CCDC102B: variants seen among roughly 807,000 people sequenced by gnomAD.
CCDC102B encodes the protein coiled-coil domain containing 102B.
Under a neutral mutation model 57.4 loss-of-function variants are expected in CCDC102B, and 75 were observed. The ratio of observed to expected loss-of-function variants is 1.31; its 90% CI spans 1.08 to 1.58. The LOEUF is 1.58. CCDC102B is among the 40% of genes most tolerant of loss of function. The probability of loss-of-function intolerance (pLI) is 0.00; values close to 1 mark genes in which losing one functional copy is unlikely to be tolerated. For synonymous variants in CCDC102B, 206 were observed against 201.9 expected (o/e 1.02, Z -0.17); for missense variants, 636 against 582.6 (o/e 1.09, Z -0.94).
At chr18:68,758,760 T>A (rs1468682775) in intron 2 of CCDC102B, among the ~76,000 whole-genome samples, 1 of 151,416 alleles carries the variant, frequency 6.6e-6, no homozygotes, top group Non-Finnish European at 1.5e-5. Context: ...GAAGATTAAA[T>A]GCTTGTTTCA....
chr18:69,028,647 A>G (rs2052057525), intron 7 of CCDC102B, among the ~76,000 whole-genome samples: 1 of 152,032 alleles, frequency 6.6e-6, no homozygotes, highest in African/African-American at 2.4e-5. Flanking sequence ...ACACACACAC[A>G]CACACAAAAT....
chr18:68,896,125 A>G (rs1200394190), intron 5 of CCDC102B, among the ~76,000 whole-genome samples: 1 of 152,032 alleles, frequency 6.6e-6, no homozygotes. Context: ...TCACATTAGA[A>G]TGCATAGCTC....
intron 7 of CCDC102B, among the ~76,000 whole-genome samples, chr18:69,039,162 G>A (rs1669545923): frequency 6.6e-6 from 1 of 151,836 alleles, no homozygotes; most frequent in African/African-American, 2.4e-5. Flanking sequence ...AAGATACAAA[G>A]CTATCTAGAG....
rs151087578 is a variant in CCDC102B at position 68,901,918 on chromosome 18, G to A, written c.1263+4490G>A. ...AGTTGATGGAAAACTTCCTACTGTC[G>A]ATGTAAGATATAAACCTCCTTCATT... On this transcript the variant is annotated intron_variant, in intron 6 of 7. Coordinates refer to ENST00000360242, the MANE Select transcript of CCDC102B (RefSeq NM_024781.3). Among the ~76,000 whole-genome samples the A allele has an allele frequency of 2.1e-3, 324 of 152,134 alleles. 1 individual carries two copies. The highest frequency in any genetic ancestry group is 7.6e-3 in the African/African-American group (314 of 41,522).
At chr18:68,952,994 A>C (rs1358469015) in intron 6 of CCDC102B, among the ~76,000 whole-genome samples, 1 of 152,172 alleles carries the variant, frequency 6.6e-6, no homozygotes, top group African/African-American at 2.4e-5. Context: ...ACCATCAAAA[A>C]CATGAAAAAG....
chr18:68,771,207 A>G (rs2034627343), intron 2 of CCDC102B, among the ~76,000 whole-genome samples: 2 of 152,192 alleles, frequency 1.3e-5, no homozygotes, highest in Non-Finnish European at 2.9e-5. Flanking sequence ...AGGCAGCTCC[A>G]TAGTTTTGAT....
intron 6 of CCDC102B, among the ~76,000 whole-genome samples, chr18:68,933,588 G>A (rs2041750415): frequency 6.6e-6 from 1 of 151,762 alleles, no homozygotes; most frequent in Non-Finnish European, 1.5e-5. Flanking sequence ...ATTGTTCATT[G>A]TGGAGCTATA....
At chr18:68,793,398 A>C (rs1489381453), upstream of CCDC102B, among the ~76,000 whole-genome samples, 2 of 152,218 alleles carry the variant, frequency 1.3e-5, no homozygotes, top group Non-Finnish European at 2.9e-5. Flanking sequence ...GATGACAGGC[A>C]TATATGTATC....
intron 2 of CCDC102B, among the ~76,000 whole-genome samples, chr18:68,739,550 T>A (rs1427654092): frequency 6.6e-6 from 1 of 152,168 alleles, no homozygotes; most frequent in Non-Finnish European, 1.5e-5. Flanking sequence ...ATGTGATTAG[T>A]CCATTGTACT....
intron 6 of CCDC102B, among the ~76,000 whole-genome samples, chr18:69,009,474 T>C (rs1290080392): frequency 6.6e-6 from 1 of 152,158 alleles, no homozygotes; most frequent in African/African-American, 2.4e-5. Context: ...AAATTCGAAT[T>C]GATGTGCCTC....
chr18:68,972,642 T>C (rs1224949180), intron 6 of CCDC102B, among the ~76,000 whole-genome samples: 2 of 152,180 alleles, frequency 1.3e-5, no homozygotes, highest in Non-Finnish European at 2.9e-5. Context: ...AATTGAATTT[T>C]AGTTTTAGGA....
intron 2 of CCDC102B, 82 bp downstream of exon 2, chr18:68,837,451 A>G: frequency 4.5e-6 from 6 of 1,341,450 alleles, no homozygotes; most frequent in Middle Eastern, 2.6e-4. Flanking sequence ...GACAAATGCA[A>G]TGGTGATTAT....
At chr18:68,935,674 A>C (rs148009568) in intron 6 of CCDC102B, among the ~76,000 whole-genome samples, 1 of 152,062 alleles carries the variant, frequency 6.6e-6, no homozygotes, top group African/African-American at 2.4e-5. Flanking sequence ...TTGATAGAAA[A>C]GCAACCAGGC....
chr18:69,044,137 T>C (rs1047695256), intron 7 of CCDC102B, among the ~76,000 whole-genome samples: 1 of 152,136 alleles, frequency 6.6e-6, no homozygotes, highest in Non-Finnish European at 1.5e-5. Flanking sequence ...AATCTATCTC[T>C]ATAATTGAAT....
At chr18:69,047,779 C>T (rs1368732081) in intron 7 of CCDC102B, among the ~76,000 whole-genome samples, 1 of 152,016 alleles carries the variant, frequency 6.6e-6, no homozygotes, top group Non-Finnish European at 1.5e-5. Context: ...AATGTAGTCC[C>T]ATTCACAATA....
At chr18:68,915,166 A>T (rs934868816) in intron 6 of CCDC102B, among the ~76,000 whole-genome samples, 9 of 152,256 alleles carry the variant, frequency 5.9e-5, no homozygotes, top group Admixed American at 3.3e-4. Context: ...TGCTGCACTC[A>T]CGCTTGAAGC....
chr18:68,899,143 T>C (rs1191082805), intron 6 of CCDC102B, among the ~76,000 whole-genome samples: 1 of 151,986 alleles, frequency 6.6e-6, no homozygotes, highest in African/African-American at 2.4e-5. Context: ...TTTATCCTCT[T>C]CATTACAAAT....
intron 2 of CCDC102B, among the ~76,000 whole-genome samples, chr18:68,733,480 A>T (rs192665928): frequency 0.017 from 1,350 of 78,072 alleles, 19 homozygotes; most frequent in Middle Eastern, 0.029. Flanking sequence ...AGACAACTTT[A>T]TATATATATA....
At chr18:68,841,881 G>A (rs2037648014) in intron 3 of CCDC102B, among the ~76,000 whole-genome samples, 1 of 151,952 alleles carries the variant, frequency 6.6e-6, no homozygotes, top group South Asian at 2.1e-4. Context: ...TACAGGCTGT[G>A]CCACCACGCC....
Sources: allele counts gnomAD v4.1 joint callset (sites outside exome capture counted in the v4.1 genomes callset), GRCh38; gene constraint gnomAD v4.1.1; transcripts MANE v1.5; gene names NCBI Gene and HGNC (gene_info 2026-07-23, HGNC 2026-07-21).